Variants in PLAC9 observed in about 807,000 individuals in gnomAD.
PLAC9 encodes placenta associated 9, also known as placenta-specific protein 9.
Under a neutral mutation model 11.5 loss-of-function variants are expected in PLAC9, and 12 were observed. The observed-to-expected ratio is 1.05, with a 90% CI of 0.67 to 1.69. The LOEUF is 1.69. PLAC9 is among the 40% of genes most tolerant of loss of function. PLAC9 has a pLI of 0.00. For missense variants in PLAC9, 132 were observed against 130.5 expected, an observed-to-expected ratio of 1.01 and a Z score of -0.06; for synonymous variants, 62 against 58.1, an observed-to-expected ratio of 1.07 and a Z score of -0.31.
At chr10:80,144,642 G>A (rs1040085053) in intron 3 of PLAC9, among the ~76,000 whole-genome samples, 2 of 152,020 alleles carry the variant, frequency 1.3e-5, no homozygotes, top group African/African-American at 4.8e-5. Flanking sequence ...GCCTTCTCAC[G>A]ACTGGAGCTT....
At chr10:80,133,879 G>A (rs1844941833) in intron 1 of PLAC9, among the ~76,000 whole-genome samples, 1 of 149,932 alleles carries the variant, frequency 6.7e-6, no homozygotes, top group Non-Finnish European at 1.5e-5. Flanking sequence ...GGGAGGCGGA[G>A]GTTGCAGTGA....
Position 80,137,839 on chromosome 10 carries a change from C to T in PLAC9, c.65-4243C>T, listed in dbSNP as rs1294915861. Among the ~76,000 whole-genome samples the T allele has an allele frequency of 1.1e-4, 16 of 151,588 alleles. 1 individual carries two copies. The highest frequency in any genetic ancestry group is 3.4e-4 in the African/African-American group (14 of 41,208). ...CTGAGGTGGGAGAATTGCTTGAACC[C>T]GGGAAGAAGAGGTTGCAGTGAGCCA... On this transcript the variant is annotated intron_variant, in intron 1 of 3. Transcript: ENST00000372263.
At chr10:80,135,249 C>T (rs1844961632) in intron 1 of PLAC9, among the ~76,000 whole-genome samples, 1 of 151,318 alleles carries the variant, frequency 6.6e-6, no homozygotes, top group South Asian at 2.1e-4. Context: ...GTCTCGATCT[C>T]CTGACCTTGT....
chr10:80,138,922 C>T (rs1216272362), intron 1 of PLAC9, among the ~76,000 whole-genome samples: 4 of 151,446 alleles, frequency 2.6e-5, no homozygotes, highest in Admixed American at 6.6e-5. Context: ...TGAAGCTGCT[C>T]GACCTCTAAA....
intron 1 of PLAC9, among the ~76,000 whole-genome samples, chr10:80,133,957 A>AAAAG (rs1554828762): frequency 6.6e-6 from 1 of 151,738 alleles, no homozygotes; most frequent in Non-Finnish European, 1.5e-5. Flanking sequence ...AAAAAAAAAA[A>AAAAG]AAGAAGAAGG....
chr10:80,132,160 TTC>T (rs201772283), upstream of PLAC9, among the ~76,000 whole-genome samples: 20,313 of 152,072 alleles, frequency 0.13, 2,155 homozygotes, highest in East Asian at 0.62. Flanking sequence ...ATTTTACCTT[TTC>T]TTTTTAAAAT....
At chr10:80,131,989 T>C (rs1844918058), upstream of PLAC9, among the ~76,000 whole-genome samples, 1 of 152,212 alleles carries the variant, frequency 6.6e-6, no homozygotes, top group Non-Finnish European at 1.5e-5. Flanking sequence ...AAAACTTAAT[T>C]TGTTGTTGCA....
In PLAC9 at chr10:80,144,266, G is replaced by A. The variant is rs1433754155; in HGVS notation, c.206G>A (p.Gly69Asp). 6.2e-7 allele frequency: 1 copy of A among 1,613,818 alleles called. No homozygotes were observed. Among genetic ancestry groups the A allele is most frequent in the African/African-American group, 1.3e-5 (1 of 74,904 alleles). Residue 69 changes from glycine to aspartate, a missense_variant, in exon 3 of 4, where the codon GGC becomes GAC. Gly to Asp is a moderately conservative substitution (Grantham distance 94). Coordinates refer to ENST00000372263, the MANE Select transcript of PLAC9 (RefSeq NM_001012973.3). Reference sequence around the variant, plus strand: ...GATCACCTGGGGACAGAGGTGAAAGGCCTGCTGGGCCTGCTGGAGGAGCTG... The same window carrying A: ...GATCACCTGGGGACAGAGGTGAAAGACCTGCTGGGCCTGCTGGAGGAGCTG... ...TVDHLGTEVK[G>D]LLGLLEELAW...
intron 1 of PLAC9, among the ~76,000 whole-genome samples, chr10:80,136,574 C>T (rs924767756): frequency 3.3e-5 from 5 of 152,106 alleles, no homozygotes; most frequent in Non-Finnish European, 5.9e-5. Context: ...TGGGCTCAAG[C>T]GATTCTCCCG....
At chr10:80,142,337 G>A (rs1376693404) in intron 2 of PLAC9, among the ~76,000 whole-genome samples, 158 bp downstream of exon 2, 2 of 152,028 alleles carry the variant, frequency 1.3e-5, no homozygotes, top group African/African-American at 2.4e-5. Flanking sequence ...CTAGGCTGCC[G>A]GGCTGCCCAG....
chr10:80,143,163 C>T (rs375156770), intron 2 of PLAC9, among the ~76,000 whole-genome samples: 39 of 152,112 alleles, frequency 2.6e-4, no homozygotes, highest in African/African-American at 8.4e-4. Flanking sequence ...CTCAACCTCC[C>T]GAGTAGCTGG....
At chr10:80,133,943 CAA>C (rs61127711) in intron 1 of PLAC9, among the ~76,000 whole-genome samples, 4 of 107,722 alleles carry the variant, frequency 3.7e-5, no homozygotes, top group African/African-American at 3.9e-5. Flanking sequence ...GACTCAGTTT[CAA>C]AAAAAAAAAA....
intron 2 of PLAC9, among the ~76,000 whole-genome samples, chr10:80,143,791 G>T (rs1484733430): frequency 6.6e-6 from 1 of 152,184 alleles, no homozygotes; most frequent in African/African-American, 2.4e-5. Flanking sequence ...GAAGAGGTCT[G>T]TAGGCTTCAC....
Position 80,144,936 on chromosome 10 carries a change from G to T in PLAC9, c.*26G>T. On this transcript the variant is annotated 3_prime_UTR_variant, in exon 4 of 4. Transcript: ENST00000372263. Reference sequence around the variant, plus strand: ...GCCCTGGAGCTGGAGCCCAGCAGTTGGAGGTGGTGCACCTGCCAGGCAGCG... The same window carrying T: ...GCCCTGGAGCTGGAGCCCAGCAGTTTGAGGTGGTGCACCTGCCAGGCAGCG... 1 of 1,569,906 alleles carries T rather than the reference G, an allele frequency of 6.4e-7. No homozygotes were observed. Among genetic ancestry groups the T allele is most frequent in the East Asian group, 2.3e-5 (1 of 43,180 alleles).
chr10:80,135,023 T>TTTA (rs1844958493), intron 1 of PLAC9, among the ~76,000 whole-genome samples: 1 of 151,648 alleles, frequency 6.6e-6, no homozygotes, highest in Non-Finnish European at 1.5e-5. Context: ...TGTTTATTTA[T>TTTA]TTATTTATTT....
chr10:80,133,813 A>G (rs1844940679), intron 1 of PLAC9, among the ~76,000 whole-genome samples: 1 of 152,184 alleles, frequency 6.6e-6, no homozygotes, highest in Non-Finnish European at 1.5e-5. Context: ...GCGTGGTGGC[A>G]CATGCCTGTA....
At chr10:80,141,966 C>T (rs745182) in intron 1 of PLAC9, 116 bp from the exon 2 acceptor site, 364,635 of 643,944 alleles carry the variant, frequency 0.57, 104,886 homozygotes, top group Admixed American at 0.7. Context: ...GGCCGTCCTC[C>T]GCTTGCTCCT....
intron 1 of PLAC9, among the ~76,000 whole-genome samples, chr10:80,135,762 T>C (rs1382433743): frequency 6.6e-6 from 1 of 152,192 alleles, no homozygotes; most frequent in Non-Finnish European, 1.5e-5. Context: ...AAGAATAGTT[T>C]TCTGCTGCTT....
intron 1 of PLAC9, among the ~76,000 whole-genome samples, chr10:80,134,870 A>T (rs1208779746): frequency 1.3e-5 from 2 of 152,074 alleles, no homozygotes; most frequent in Non-Finnish European, 2.9e-5. Context: ...TGAAGAAACT[A>T]AGTTTGTCCT....
Sources: gnomAD v4.1 joint callset for allele counts (sites outside exome capture counted in the v4.1 genomes callset) on GRCh38, gnomAD v4.1.1 for gene constraint, MANE v1.5 for transcripts, NCBI Gene and HGNC (gene_info 2026-07-23, HGNC 2026-07-21) for gene names.